Variants in CFAP43 observed in about 807,000 individuals in gnomAD.
CFAP43 encodes cilia- and flagella-associated protein 43.
In CFAP43, 155 loss-of-function variants were observed where a neutral mutation model predicts 218.9. The observed-to-expected ratio is 0.71, with a 90% CI of 0.62 to 0.81. The LOEUF (loss-of-function observed/expected upper bound fraction) is 0.81, where lower values mean the gene tolerates loss of function less well. Among genes scored for constraint, CFAP43 ranks in the 30% least tolerant of loss-of-function variants. CFAP43 has a pLI of 0.00. For synonymous variants in CFAP43, 645 were observed against 681.3 expected, an observed-to-expected ratio of 0.95 and a Z score of 0.83; for missense variants, 1,778 against 1,954.3, an observed-to-expected ratio of 0.91 and a Z score of 1.70.
chr10:104,174,061 T>C (rs943511499), intron 19 of CFAP43, among the ~76,000 whole-genome samples: 3 of 152,146 alleles, frequency 2.0e-5, no homozygotes, highest in African/African-American at 7.2e-5. Context: ...TATGTTATTT[T>C]CAAAAGATAT....
rs1014324939 is a variant in CFAP43 at position 104,167,593 on chromosome 10, A to G, written c.2808+28T>C. 1.3e-5 allele frequency: 20 copies of G among 1,537,354 alleles called. No homozygotes were observed. The East Asian group carries it at 4.5e-4, about 35-fold the overall frequency. The stretch of plus-strand genomic sequence containing the variant: ...CTCTAAAATAAAGCACATCACTTAT[A>G]TAAACACATGTATATTTAAAATAGT... On this transcript the variant is annotated intron_variant, in intron 22 of 37. Coordinates refer to ENST00000357060, the MANE Select transcript of CFAP43 (RefSeq NM_025145.7).
At chr10:104,167,527 A>G in intron 22 of CFAP43, 94 bp downstream of exon 22, 1 of 891,388 alleles carries the variant, frequency 1.1e-6, no homozygotes, top group Non-Finnish European at 1.6e-6. Flanking sequence ...TACAATACCT[A>G]AACTTAAATT....
intron 8 of CFAP43, among the ~76,000 whole-genome samples, chr10:104,202,829 T>A (rs1378482790): frequency 6.6e-6 from 1 of 151,846 alleles, no homozygotes; most frequent in African/African-American, 2.4e-5. Context: ...TTTTTTTTTT[T>A]TTAAAAAAAA....
intron 3 of CFAP43, among the ~76,000 whole-genome samples, chr10:104,221,931 T>C (rs994416010): frequency 2.0e-5 from 3 of 152,128 alleles, no homozygotes; most frequent in Non-Finnish European, 4.4e-5. Context: ...TAGCACATTG[T>C]CTTTGCTTAT....
At chr10:104,207,593 A>T (rs2090731856) in intron 6 of CFAP43, 72 bp downstream of exon 6, 22 of 1,441,192 alleles carry the variant, frequency 1.5e-5, no homozygotes, top group Non-Finnish European at 8.5e-6. Context: ...TCCAAGAAAG[A>T]GAAAAATAGG....
intron 3 of CFAP43, among the ~76,000 whole-genome samples, chr10:104,223,540 T>C (rs1166050370): frequency 6.6e-6 from 1 of 152,208 alleles, no homozygotes; most frequent in Non-Finnish European, 1.5e-5. Context: ...TCTAAGTCTG[T>C]TACACTAACA....
intron 17 of CFAP43, among the ~76,000 whole-genome samples, chr10:104,181,962 T>TC (rs1270816661): frequency 6.6e-6 from 1 of 152,178 alleles, no homozygotes; most frequent in African/African-American, 2.4e-5. Flanking sequence ...CATGGCTATA[T>TC]CCCCCACAGC....
chr10:104,130,364 C>G, intron 37 of CFAP43, 59 bp from the exon 38 acceptor site: 1 of 1,558,858 alleles, frequency 6.4e-7, no homozygotes, highest in Non-Finnish European at 8.6e-7. Flanking sequence ...AATACAGAAG[C>G]AGCACTCAGA....
chr10:104,182,991 C>T (rs1335889837), intron 16 of CFAP43, among the ~76,000 whole-genome samples: 2 of 152,142 alleles, frequency 1.3e-5, no homozygotes, highest in Admixed American at 6.5e-5. Flanking sequence ...ACTCAACATG[C>T]CCTCTGTACC....
At chr10:104,166,094 C>T (rs113752494) in intron 23 of CFAP43, among the ~76,000 whole-genome samples, 33 of 152,254 alleles carry the variant, frequency 2.2e-4, no homozygotes, top group South Asian at 4.1e-4. Flanking sequence ...GACAGTGTCT[C>T]GCTCTGTTGC....
Position 104,225,459 on chromosome 10 carries a change from ACCAAAGG to A in CFAP43, c.411_416+1del, listed in dbSNP as rs1405633678. On this transcript the variant is annotated splice_donor_variant and coding_sequence_variant, in exon 3 of 38. Transcript: ENST00000357060. LOFTEE classifies it high-confidence loss of function. Reference sequence around the variant, plus strand: ...GGAATTCCACAGGATGCTGAAACTTACCAAAGGGCCAGTTCAAATTCTGGGAGAGAGG... The same window carrying A: ...GGAATTCCACAGGATGCTGAAACTTAGCCAGTTCAAATTCTGGGAGAGAGG... 2 of 1,606,800 alleles carry A rather than the reference ACCAAAGG, an allele frequency of 1.2e-6. No homozygotes were observed. The highest frequency in any genetic ancestry group is 8.5e-7 in the Non-Finnish European group (1 of 1,175,292).
At chr10:104,174,447 T>A (rs541987767) in intron 19 of CFAP43, among the ~76,000 whole-genome samples, 4 of 152,144 alleles carry the variant, frequency 2.6e-5, no homozygotes, top group Admixed American at 2.0e-4. Context: ...ACTGCAAGAA[T>A]AGCATAAGAA....
chr10:104,144,109 A>C (rs946943158), intron 31 of CFAP43, among the ~76,000 whole-genome samples: 1 of 152,216 alleles, frequency 6.6e-6, no homozygotes, highest in Non-Finnish European at 1.5e-5. Flanking sequence ...ACTCACTATC[A>C]AGATGCTTTA....
At position 104,161,823 on chromosome 10, in the gene CFAP43, T is replaced by C. The variant is rs190397962; in HGVS notation, c.3414+138A>G. On this transcript the variant is annotated intron_variant, in intron 26 of 37. Transcript: ENST00000357060. ...GCCAGGCCCTAATGTGGTAGGTTTA[T>C]AAGGTACTACGGAGGTTGTATAATA... is the stretch of plus-strand genomic sequence containing the variant. 2.2e-3 allele frequency: 1,576 copies of C among 720,772 alleles called. 4 individuals are homozygous for C. Among genetic ancestry groups the C allele is most frequent in the Non-Finnish European group, 3.1e-3 (1,376 of 438,202 alleles). 44.6% of individuals were successfully genotyped at this position (720,772 alleles called of 1,614,324 possible).
chr10:104,160,936 C>T (rs2088836038), intron 27 of CFAP43, 101 bp downstream of exon 27: 3 of 1,201,264 alleles, frequency 2.5e-6, no homozygotes, highest in Non-Finnish European at 2.3e-6. Context: ...AAACACTGTC[C>T]TTAAGCTATT....
chr10:104,207,527 T>C, intron 6 of CFAP43, 138 bp downstream of exon 6: 1 of 749,546 alleles, frequency 1.3e-6, no homozygotes, highest in Admixed American at 2.8e-5. Context: ...GATGGTAGAA[T>C]GCCAACAGCA....
intron 28 of CFAP43, among the ~76,000 whole-genome samples, chr10:104,151,202 C>G (rs2088238198): frequency 1.3e-5 from 2 of 152,220 alleles, no homozygotes; most frequent in Non-Finnish European, 2.9e-5. Flanking sequence ...CTGCAGTGAA[C>G]ATATGCATGC....
At chr10:104,190,569 C>A (rs1320909975) in intron 12 of CFAP43, among the ~76,000 whole-genome samples, 3 of 152,178 alleles carry the variant, frequency 2.0e-5, no homozygotes, top group Non-Finnish European at 2.9e-5. Context: ...CAAACTTAAG[C>A]TAAATATGCC....
intron 15 of CFAP43, 94 bp downstream of exon 15, chr10:104,185,880 C>T: frequency 9.1e-7 from 1 of 1,103,610 alleles, no homozygotes; most frequent in Non-Finnish European, 1.3e-6. Flanking sequence ...AGTTTTTATG[C>T]ATATATAAGC....
Sources: allele counts gnomAD v4.1 joint callset (sites outside exome capture counted in the v4.1 genomes callset), GRCh38; gene constraint gnomAD v4.1.1; transcripts MANE v1.5; gene names NCBI Gene and HGNC (gene_info 2026-07-23, HGNC 2026-07-21).